Variants in PCDHA10 observed in about 807,000 individuals in gnomAD.
PCDHA10 encodes protocadherin alpha-10.
A neutral mutation model predicts 61.2 loss-of-function variants in PCDHA10; 45 were observed. The ratio of observed to expected loss-of-function variants is 0.74; its 90% confidence interval spans 0.58 to 0.94. The LOEUF is 0.94. PCDHA10 is among the 40% of genes least tolerant of loss of function. The probability of loss-of-function intolerance (pLI) is 0.00; values close to 1 mark genes in which losing one functional copy is unlikely to be tolerated. For synonymous variants in PCDHA10, 602 were observed against 548.8 expected, an observed-to-expected ratio of 1.10 and a Z score of -1.35; for missense variants, 1,278 against 1,236.2, an observed-to-expected ratio of 1.03 and a Z score of -0.51.
chr5:140,900,518 C>G (rs1444768233), intron 1 of PCDHA10, among the ~76,000 whole-genome samples: 1 of 152,228 alleles, frequency 6.6e-6, no homozygotes, highest in Admixed American at 6.5e-5. Flanking sequence ...CTCAGGTGAT[C>G]TGCCCACCTC....
intron 1 of PCDHA10, among the ~76,000 whole-genome samples, chr5:140,955,267 T>C (rs1189039296): frequency 6.6e-6 from 1 of 152,140 alleles, no homozygotes; most frequent in Non-Finnish European, 1.5e-5. Context: ...AGGCTCTTTT[T>C]TGGTTCCATA....
intron 1 of PCDHA10, among the ~76,000 whole-genome samples, chr5:140,879,380 T>C (rs1213546230): frequency 6.6e-6 from 1 of 152,106 alleles, no homozygotes; most frequent in Admixed American, 6.5e-5. Flanking sequence ...CAGAACAAGG[T>C]TGGAGAAACA....
Position 140,918,290 on chromosome 5 carries a change from C to A in PCDHA10, c.2388+59854C>A, listed in dbSNP as rs188994807. ...TTTATCAGATGTAGGAGCTTTTTGG[C>A]AGAGAATATAGGGTTTTCTAGGTAT... On this transcript the variant is annotated intron_variant, in intron 1 of 3. Transcript: ENST00000307360. Among the ~76,000 whole-genome samples the A allele has an allele frequency of 2.1e-3, 321 of 152,226 alleles. 1 individual carries two copies. Among genetic ancestry groups the A allele is most frequent in the African/African-American group, 7.5e-3 (313 of 41,534 alleles).
At chr5:140,978,397 C>G (rs2096799745) in intron 1 of PCDHA10, among the ~76,000 whole-genome samples, 1 of 152,080 alleles carries the variant, frequency 6.6e-6, no homozygotes, top group Non-Finnish European at 1.5e-5. Flanking sequence ...CCCTAGTATC[C>G]CTCTTCAATC....
chr5:140,878,408 T>G (rs1554170402), intron 1 of PCDHA10, among the ~76,000 whole-genome samples: 2 of 152,244 alleles, frequency 1.3e-5, no homozygotes, highest in Non-Finnish European at 2.9e-5. Context: ...AAATATCTTC[T>G]TTATTTCAAG....
intron 1 of PCDHA10, among the ~76,000 whole-genome samples, chr5:140,924,446 G>A (rs1554201951): frequency 6.6e-6 from 1 of 152,110 alleles, no homozygotes; most frequent in African/African-American, 2.4e-5. Context: ...ATAACGAATG[G>A]GTTTGTGTGT....
At position 140,926,615 on chromosome 5, in the gene PCDHA10, C is replaced by G. The variant is rs540135252; in HGVS notation, c.2389-52334C>G. On this transcript the variant is annotated intron_variant, in intron 1 of 3. Coordinates refer to ENST00000307360, the MANE Select transcript of PCDHA10 (RefSeq NM_018901.4). ...GGCGGGCGGCCTCGTCTCTGCACCC[C>G]TAGGCGGCGCTGCGCTCCTCAACAC... 1,855 of 379,286 alleles carry G rather than the reference C, an allele frequency of 4.9e-3. 8 individuals are homozygous for G. Among genetic ancestry groups the G allele is most frequent in the African/African-American group, 0.019 (896 of 47,466 alleles). The allele number at this position is 379,286 out of a possible 1,614,324, so 23.5% of individuals were successfully genotyped here. A position where few individuals can be genotyped will look rare whatever the true frequency, so the allele number is the denominator to read the frequency against.
At chr5:140,968,050 C>T (rs782392575) in intron 1 of PCDHA10, 12 of 1,614,178 alleles carry the variant, frequency 7.4e-6, no homozygotes, top group Admixed American at 1.7e-5. Flanking sequence ...GCCCACTGGA[C>T]CGAGAGCGGG....
Position 140,870,153 on chromosome 5 carries a change from C to T in PCDHA10, c.2388+11717C>T, listed in dbSNP as rs537593818. 3.1e-6 allele frequency: 5 copies of T among 1,613,972 alleles called. No individual in the cohort carries two copies. The East Asian group carries it at 8.9e-5, about 29-fold the overall frequency. On this transcript the variant is annotated intron_variant, in intron 1 of 3. Transcript: ENST00000307360. ...CCAACGATAACTCTCCTGAAGTCGC[C>T]GTGACTTCCTTGTCCCTCCCAGTAC...
intron 3 of PCDHA10, among the ~76,000 whole-genome samples, chr5:140,990,307 A>C (rs1409511282): frequency 2.6e-5 from 4 of 152,132 alleles, no homozygotes; most frequent in Non-Finnish European, 5.9e-5. Flanking sequence ...TGTCTGTAAA[A>C]AACCAACCAA....
intron 1 of PCDHA10, among the ~76,000 whole-genome samples, chr5:140,911,719 G>C (rs1184939092): frequency 6.6e-6 from 1 of 151,412 alleles, no homozygotes; most frequent in African/African-American, 2.5e-5. Context: ...GTGTAACTCT[G>C]TAAACAGTTC....
chr5:140,956,701 G>T (rs549659732), intron 1 of PCDHA10, among the ~76,000 whole-genome samples: 1 of 152,138 alleles, frequency 6.6e-6, no homozygotes, highest in Non-Finnish European at 1.5e-5. Context: ...CCATTGTTTG[G>T]AATAGCTTCA....
chr5:140,857,046 G>A lies in PCDHA10; in HGVS notation c.998G>A (p.Cys333Tyr). 6.3e-7 allele frequency: 1 copy of A among 1,595,842 alleles called. No homozygotes were observed. Among genetic ancestry groups the A allele is most frequent in the African/African-American group, 1.3e-5 (1 of 74,308 alleles). Reference sequence around the variant, plus strand: ...GGAAACCCACCTATGGTTGGTCACTGCACGGTCCTAGTGGAACTACTGGAT... The same window carrying A: ...GGAAACCCACCTATGGTTGGTCACTACACGGTCCTAGTGGAACTACTGGAT... The part of the protein sequence containing the change: ...DKGNPPMVGH[C>Y]TVLVELLDEN... The change falls in exon 1 of 4, where the codon TGC becomes TAC. Residue 333 changes from cysteine to tyrosine, a missense_variant. Transcript: ENST00000307360.
intron 3 of PCDHA10, among the ~76,000 whole-genome samples, chr5:140,988,057 C>G (rs557714672): frequency 2.0e-4 from 30 of 152,188 alleles, no homozygotes; most frequent in Non-Finnish European, 3.7e-4. Context: ...GCACTGTCAA[C>G]ATGAATTTTT....
chr5:140,870,883 C>A (rs782137761), intron 1 of PCDHA10: 1 of 1,613,920 alleles, frequency 6.2e-7, no homozygotes, highest in Non-Finnish European at 8.5e-7. Context: ...GGCGAAGGTG[C>A]GCGCAGTGGA....
At chr5:140,882,137 A>G in intron 1 of PCDHA10, 1 of 1,489,212 alleles carries the variant, frequency 6.7e-7, no homozygotes. Flanking sequence ...CCTGCAGAAA[A>G]TATAGCAGAA....
rs532145972 is a variant in PCDHA10 at position 140,957,602 on chromosome 5, C to T, written c.2389-21347C>T. On this transcript the variant is annotated intron_variant, in intron 1 of 3. Transcript: ENST00000307360. Reference sequence around the variant, plus strand: ...TTAACAAAGCACTTCCCAGAATAAACACACAGACATATACATGCACACACT... The same window carrying T: ...TTAACAAAGCACTTCCCAGAATAAATACACAGACATATACATGCACACACT... 3.3e-5 allele frequency among the ~76,000 whole-genome samples: 5 copies of T among 152,174 alleles called. No homozygotes were observed. In the East Asian group the frequency reaches 9.6e-4, roughly 29 times the overall value.
At chr5:140,934,636 G>A (rs782329021) in intron 1 of PCDHA10, among the ~76,000 whole-genome samples, 17 of 151,974 alleles carry the variant, frequency 1.1e-4, no homozygotes, top group Non-Finnish European at 1.9e-4. Flanking sequence ...CACAGGAAAG[G>A]CAGGATAAAT....
intron 1 of PCDHA10, among the ~76,000 whole-genome samples, chr5:140,973,337 G>T (rs2096582330): frequency 6.6e-6 from 1 of 152,162 alleles, no homozygotes; most frequent in African/African-American, 2.4e-5. Flanking sequence ...TCGTTGTAAA[G>T]TGACATAGTA....
Sources: gnomAD v4.1 joint callset for allele counts (sites outside exome capture counted in the v4.1 genomes callset) on GRCh38, gnomAD v4.1.1 for gene constraint, MANE v1.5 for transcripts, NCBI Gene and HGNC (gene_info 2026-07-23, HGNC 2026-07-21) for gene names.